Variants in ATAD3B observed in about 807,000 individuals in gnomAD.
ATAD3B encodes ATPase family AAA domain-containing protein 3B.
In ATAD3B, 59 loss-of-function variants were observed where a neutral mutation model predicts 70.2. The observed-to-expected ratio is 0.84, with a 90% CI of 0.68 to 1.04. ATAD3B has a LOEUF of 1.04. Ranked by LOEUF, ATAD3B falls within the 50% of genes least tolerant of loss-of-function variation. The probability of loss-of-function intolerance (pLI) is 0.00; values close to 1 mark genes in which losing one functional copy is unlikely to be tolerated. For missense variants in ATAD3B, 961 were observed against 913.4 expected (o/e 1.05, Z -0.67); for synonymous variants, 423 against 388.6 (o/e 1.09, Z -1.04).
chr1:1,495,225 T>A (rs1415343196), intron 15 of ATAD3B, among the ~76,000 whole-genome samples: 1 of 151,914 alleles, frequency 6.6e-6, no homozygotes, highest in Non-Finnish European at 1.5e-5. Flanking sequence ...TCAGTGGTGC[T>A]CCGCCTTGGG....
intron 13 of ATAD3B, chr1:1,489,640 C>G (rs1338095756): frequency 7.4e-7 from 1 of 1,342,734 alleles, no homozygotes; most frequent in Non-Finnish European, 9.9e-7. Context: ...GCTCCCTCTT[C>G]CCTCCCAAAT....
chr1:1,501,463 T>C (rs9439453), downstream of ATAD3B, among the ~76,000 whole-genome samples: 4 of 152,076 alleles, frequency 2.6e-5, no homozygotes, highest in East Asian at 5.8e-4. Flanking sequence ...CACCGTGTTA[T>C]CCAGGATGGT....
rs1639991017 is a variant in ATAD3B, at chr1:1,482,790, G to GA, written c.750+183dup. The GA allele has an allele frequency of 5.0e-5, 52 of 1,049,178 alleles. No individual in the cohort carries two copies. The South Asian group carries it at 7.1e-4, about 14-fold the overall frequency. The allele number at this position is 1,049,178 out of a possible 1,614,324, so 65.0% of individuals were successfully genotyped here. A position where few individuals can be genotyped will look rare whatever the true frequency, so the allele number is the denominator to read the frequency against. ...CTGCTCCTCCCTCCTTGAGCTGGGA[G>GA]AAAAAAATGCAGTTGCCAGCCTGGG... On this transcript the variant is annotated intron_variant, in intron 7 of 15. Transcript: ENST00000673477.
chr1:1,475,416 G>A (rs558619210), intron 1 of ATAD3B, among the ~76,000 whole-genome samples: 3 of 150,744 alleles, frequency 2.0e-5, no homozygotes, highest in South Asian at 2.1e-4. Context: ...GGCCCCTCCC[G>A]ACGCTCCTGG....
At chr1:1,483,121 C>A (rs1394384694) in intron 7 of ATAD3B, 1 of 421,706 alleles carries the variant, frequency 2.4e-6, no homozygotes, top group Non-Finnish European at 4.7e-6. Flanking sequence ...GAAACCCTGT[C>A]TCTACTAAAA....
intron 10 of ATAD3B, 38 bp downstream of exon 10, chr1:1,486,273 C>T (rs1218755656): frequency 6.2e-7 from 1 of 1,611,746 alleles, no homozygotes; most frequent in African/African-American, 1.3e-5. Context: ...CCAGGGGCCG[C>T]TGGGGTCTCA....
intron 10 of ATAD3B, 77 bp from the exon 11 acceptor site, chr1:1,486,467 C>T: frequency 6.2e-7 from 1 of 1,610,796 alleles, no homozygotes; most frequent in Non-Finnish European, 8.5e-7. Flanking sequence ...AGGGGCTCCA[C>T]ACTCCAGGTG....
intron 8 of ATAD3B, 53 bp from the exon 9 acceptor site, chr1:1,485,729 G>A (rs1391013018): frequency 6.2e-7 from 1 of 1,609,264 alleles, no homozygotes; most frequent in Non-Finnish European, 8.5e-7. Flanking sequence ...GTTGGTGGCT[G>A]TTCCGTGGCT....
rs75466946 is a variant in ATAD3B, at chr1:1,482,269, T to G, written c.646T>G (p.Ser216Ala). The change falls in exon 6 of 16, where the codon TCC becomes GCC. Residue 216 changes from serine to alanine, a missense_variant. Physicochemically the swap from Ser to Ala is moderately conservative, Grantham distance 99. Coordinates refer to ENST00000673477, the MANE Select transcript of ATAD3B (RefSeq NM_031921.6). ...IIREQIRLKA[S>A]EHRQTVLESI... is the part of the protein sequence containing the mutation. ...CCGCGAGCAGATCCGCCTGAAGGCGTCCGAGCACCGTCAGACCGTCTTGGA... is the reference window on the plus strand; with the variant it reads ...CCGCGAGCAGATCCGCCTGAAGGCGGCCGAGCACCGTCAGACCGTCTTGGA... 0.01 allele frequency: 16,791 copies of G among 1,601,716 alleles called. 577 individuals carry two copies. Among genetic ancestry groups the G allele is most frequent in the African/African-American group, 0.058 (4,232 of 72,468 alleles).
chr1:1,498,454 CT>C (rs1415852255), downstream of ATAD3B, among the ~76,000 whole-genome samples: 1 of 151,670 alleles, frequency 6.6e-6, no homozygotes. Flanking sequence ...GAGTGAGACC[CT>C]GTCTCAAAAT....
intron 15 of ATAD3B, 115 bp from the exon 16 acceptor site, chr1:1,495,366 TCACC>T (rs1198660479): frequency 2.5e-5 from 34 of 1,366,634 alleles, no homozygotes; most frequent in Non-Finnish European, 3.3e-5. Flanking sequence ...AGCCTGTGTT[TCACC>T]CTGAGGTTGT....
At chr1:1,498,772 G>A (rs951864329), downstream of ATAD3B, among the ~76,000 whole-genome samples, 6 of 149,148 alleles carry the variant, frequency 4.0e-5, no homozygotes, top group Admixed American at 6.7e-5. Flanking sequence ...GTGAGATCTC[G>A]GCGGCTCACT....
rs1161301332 is a variant in ATAD3B at position 1,479,892 on chromosome 1, A to C, written c.444+784A>C. On this transcript the variant is annotated intron_variant, in intron 4 of 15. Transcript: ENST00000673477. ...CACACACACCCCCACACGGGCATGCACACGCCCACACACACGGGCGCGCAC... is the reference window on the plus strand; with the variant it reads ...CACACACACCCCCACACGGGCATGCCCACGCCCACACACACGGGCGCGCAC... 1.4e-5 allele frequency among the ~76,000 whole-genome samples: 2 copies of C among 138,620 alleles called. 1 individual carries two copies. Among genetic ancestry groups the C allele is most frequent in the Non-Finnish European group, 3.1e-5 (2 of 64,680 alleles). The allele number at this position is 138,620 out of a possible 152,430, so 90.9% of individuals were successfully genotyped here. A position where few individuals can be genotyped will look rare whatever the true frequency, so the allele number is the denominator to read the frequency against.
downstream of ATAD3B, among the ~76,000 whole-genome samples, chr1:1,498,655 G>A (rs1463110674): frequency 6.6e-6 from 1 of 151,570 alleles, no homozygotes; most frequent in African/African-American, 2.4e-5. Flanking sequence ...CGATCCTCCT[G>A]CCTCGGCCTC....
chr1:1,501,171 C>T (rs1424319050), downstream of ATAD3B, among the ~76,000 whole-genome samples: 1 of 152,080 alleles, frequency 6.6e-6, no homozygotes, highest in East Asian at 1.9e-4. Context: ...TCAGTGCAAC[C>T]TCCACCTCCT....
chr1:1,490,057 C>T lies in ATAD3B; in HGVS notation c.1338-200C>T, dbSNP rs748841567. ...AAGAACAGAGGCCCGAGAAGCCGGG[C>T]GGGGGGCAGCTGGGCGTGGTGGGGC... On this transcript the variant is annotated intron_variant, in intron 13 of 15. Transcript: ENST00000673477. 2.1e-4 allele frequency: 297 copies of T among 1,409,710 alleles called. 1 individual carries two copies. The highest frequency in any genetic ancestry group is 1.1e-3 in the African/African-American group (79 of 68,988). The allele number at this position is 1,409,710 out of a possible 1,614,324, so 87.3% of individuals were successfully genotyped here. A position where few individuals can be genotyped will look rare whatever the true frequency, so the allele number is the denominator to read the frequency against.
rs552123233 is a variant in ATAD3B, at chr1:1,486,008, T to G, written c.964-102T>G. 3.1e-6 allele frequency: 5 copies of G among 1,596,232 alleles called. No individual in the cohort carries two copies. In the African/African-American group the frequency reaches 6.7e-5, roughly 21 times the overall value. Reference sequence around the variant, plus strand: ...TAGGCTGCCCACGAGCTGGGCGGCTTCCTGAGGAGCAGAGTCCGCACCCGG... The same window carrying G: ...TAGGCTGCCCACGAGCTGGGCGGCTGCCTGAGGAGCAGAGTCCGCACCCGG... On this transcript the variant is annotated intron_variant, in intron 9 of 15. Transcript: ENST00000673477.
chr1:1,498,873 C>T (rs545961007), downstream of ATAD3B, among the ~76,000 whole-genome samples: 26 of 151,854 alleles, frequency 1.7e-4, no homozygotes, highest in South Asian at 6.3e-4. Context: ...TAGAAGGGGG[C>T]GTCTCATAGC....
At chr1:1,509,285 C>T in the ATAD3B span, 1 of 1,612,914 alleles carries the variant, frequency 6.2e-7, no homozygotes, top group Non-Finnish European at 8.5e-7. Context: ...TCCAGCAGCA[C>T]CAGCAGATGA....
Sources: gnomAD v4.1 joint callset for allele counts (sites outside exome capture counted in the v4.1 genomes callset) on GRCh38, gnomAD v4.1.1 for gene constraint, MANE v1.5 for transcripts, NCBI Gene and HGNC (gene_info 2026-07-23, HGNC 2026-07-21) for gene names.